Variants in LRRTM4 observed in about 807,000 individuals in gnomAD.
LRRTM4 encodes leucine-rich repeat transmembrane neuronal protein 4.
A neutral mutation model predicts 47.6 loss-of-function variants in LRRTM4; 25 were observed. That is an observed-to-expected ratio of 0.53 (90% CI 0.38 to 0.73). The LOEUF (loss-of-function observed/expected upper bound fraction) is 0.73. LRRTM4 is among the 30% of genes least tolerant of loss of function. The probability of loss-of-function intolerance (pLI) is 0.00; values close to 1 mark genes in which losing one functional copy is unlikely to be tolerated. For synonymous variants in LRRTM4, 311 were observed against 269.5 expected, an observed-to-expected ratio of 1.15 and a Z score of -1.51; for missense variants, 638 against 713.4, an observed-to-expected ratio of 0.89 and a Z score of 1.20.
At chr2:77,275,670 C>T (rs1334152750) in intron 3 of LRRTM4, among the ~76,000 whole-genome samples, 12 of 152,208 alleles carry the variant, frequency 7.9e-5, no homozygotes, top group Non-Finnish European at 1.8e-4. Flanking sequence ...ATGTGTTCCT[C>T]TTCTGCTGGA....
chr2:76,982,838 A>C (rs1481252598), intron 3 of LRRTM4, among the ~76,000 whole-genome samples: 1 of 152,094 alleles, frequency 6.6e-6, no homozygotes, highest in Admixed American at 6.6e-5. Context: ...TACAGGAAAC[A>C]CTTGCAAATA....
intron 3 of LRRTM4, among the ~76,000 whole-genome samples, chr2:77,283,750 T>C (rs766030056): frequency 3.5e-4 from 53 of 152,018 alleles, no homozygotes; most frequent in South Asian, 6.2e-4. Context: ...ATGTTCTCAA[T>C]TATAAATGGG....
At chr2:77,274,030 G>A (rs1676273390) in intron 3 of LRRTM4, among the ~76,000 whole-genome samples, 1 of 151,760 alleles carries the variant, frequency 6.6e-6, no homozygotes, top group African/African-American at 2.4e-5. Flanking sequence ...TCATTAGTTT[G>A]ATTACCCTGG....
chr2:76,906,708 T>A (rs1221349271), intron 3 of LRRTM4, among the ~76,000 whole-genome samples: 10 of 151,512 alleles, frequency 6.6e-5, no homozygotes, highest in African/African-American at 2.4e-4. Flanking sequence ...TAGTCTCTGA[T>A]AAAACAGACT....
chr2:76,829,045 G>A (rs890013043), intron 3 of LRRTM4, among the ~76,000 whole-genome samples: 3 of 151,870 alleles, frequency 2.0e-5, no homozygotes, highest in African/African-American at 7.2e-5. Context: ...CAGGGGTATG[G>A]AACCAAGGGA....
chr2:76,764,834 G>T (rs939704445), intron 3 of LRRTM4, among the ~76,000 whole-genome samples: 2 of 152,136 alleles, frequency 1.3e-5, no homozygotes, highest in Non-Finnish European at 2.9e-5. Context: ...TGACCCAAAG[G>T]CTCTTCAGAG....
intron 3 of LRRTM4, among the ~76,000 whole-genome samples, chr2:77,341,657 AT>A (rs1671377922): frequency 6.6e-6 from 1 of 152,068 alleles, no homozygotes; most frequent in South Asian, 2.1e-4. Flanking sequence ...GAAAAAATTA[AT>A]GCCCTTGCAA....
At chr2:77,012,080 C>G (rs148627634) in intron 3 of LRRTM4, among the ~76,000 whole-genome samples, 1 of 151,970 alleles carries the variant, frequency 6.6e-6, no homozygotes, top group South Asian at 2.1e-4. Flanking sequence ...TCAAATCTCA[C>G]GCAAAATGTT....
At chr2:77,440,484 C>G (rs1300299107) in intron 3 of LRRTM4, among the ~76,000 whole-genome samples, 1 of 152,022 alleles carries the variant, frequency 6.6e-6, no homozygotes. Flanking sequence ...AACAAAAACC[C>G]GAAATACATT....
intron 3 of LRRTM4, among the ~76,000 whole-genome samples, chr2:76,980,172 A>G (rs917340122): frequency 1.3e-5 from 2 of 152,126 alleles, no homozygotes; most frequent in African/African-American, 2.4e-5. Flanking sequence ...GCCAGTATTC[A>G]GCAAGACAGA....
chr2:77,063,853 T>G (rs1241641002), intron 3 of LRRTM4, among the ~76,000 whole-genome samples: 3 of 152,130 alleles, frequency 2.0e-5, no homozygotes, highest in African/African-American at 7.2e-5. Context: ...TCCCATCAAT[T>G]GAGCAGGCTA....
chr2:76,795,831 AACAGCTCCTGTCT>A (rs1308366660), intron 3 of LRRTM4, among the ~76,000 whole-genome samples: 3 of 152,176 alleles, frequency 2.0e-5, no homozygotes, highest in East Asian at 3.9e-4. Flanking sequence ...GCCAAATAGG[AACAGCTCCTGTCT>A]ACAGCTCCCA....
At chr2:77,073,391 A>T (rs1300519429) in intron 3 of LRRTM4, among the ~76,000 whole-genome samples, 1 of 146,620 alleles carries the variant, frequency 6.8e-6, no homozygotes, top group Admixed American at 6.7e-5. Flanking sequence ...TCAATCAGAT[A>T]AATACATTAA....
intron 3 of LRRTM4, among the ~76,000 whole-genome samples, chr2:77,223,026 A>C (rs1038211500): frequency 6.6e-6 from 1 of 152,174 alleles, no homozygotes; most frequent in African/African-American, 2.4e-5. Flanking sequence ...AGTGGGCTTC[A>C]TCTCTGGGAT....
chr2:77,436,909 A>T (rs1675623313), intron 3 of LRRTM4, among the ~76,000 whole-genome samples: 3 of 151,938 alleles, frequency 2.0e-5, no homozygotes, highest in African/African-American at 7.2e-5. Flanking sequence ...TTCTGAGTAC[A>T]TCTATAATAA....
chr2:76,968,304 G>T (rs547413336), intron 3 of LRRTM4, among the ~76,000 whole-genome samples: 2 of 122,242 alleles, frequency 1.6e-5, no homozygotes, highest in African/African-American at 6.0e-5. Flanking sequence ...CAATATATAG[G>T]GTTGGTAAAA....
At chr2:76,808,916 G>A (rs954458170) in intron 3 of LRRTM4, among the ~76,000 whole-genome samples, 1 of 152,204 alleles carries the variant, frequency 6.6e-6, no homozygotes, top group East Asian at 1.9e-4. Flanking sequence ...AGCAGAGACA[G>A]TAAAGAATTC....
intron 3 of LRRTM4, among the ~76,000 whole-genome samples, chr2:77,185,388 C>T (rs17013771): frequency 0.067 from 10,166 of 152,142 alleles, 477 homozygotes; most frequent in East Asian, 0.24. Flanking sequence ...TTTTGGTCTC[C>T]ATCCACCAGA....
intron 3 of LRRTM4, among the ~76,000 whole-genome samples, chr2:77,170,804 CA>C (rs917346341): frequency 2.0e-5 from 3 of 149,908 alleles, no homozygotes; most frequent in African/African-American, 7.3e-5. Context: ...CTATGTCACT[CA>C]AAAAAAGGGT....
Sources: allele counts gnomAD v4.1 joint callset (sites outside exome capture counted in the v4.1 genomes callset), GRCh38; gene constraint gnomAD v4.1.1; transcripts MANE v1.5; gene names NCBI Gene and HGNC (gene_info 2026-07-23, HGNC 2026-07-21).